THSD7B: variants seen among roughly 807,000 people sequenced by gnomAD.
THSD7B encodes the protein thrombospondin type 1 domain containing 7B, also known as thrombospondin type-1 domain-containing protein 7B.
THSD7B carries 138 observed loss-of-function variants against 213.6 expected under a neutral mutation model. The ratio of observed to expected loss-of-function variants is 0.65; its 90% CI spans 0.56 to 0.74. The LOEUF (loss-of-function observed/expected upper bound fraction) is 0.74, where lower values mean the gene tolerates loss of function less well. THSD7B is among the 30% of genes least tolerant of loss of function. The pLI is 0.00. For missense variants in THSD7B, 1,931 were observed against 1,991.5 expected (o/e 0.97, Z 0.58); for synonymous variants, 742 against 687.0 (o/e 1.08, Z -1.25).
At chr2:137,509,875 A>G (rs1679923883) in intron 15 of THSD7B, among the ~76,000 whole-genome samples, 1 of 152,140 alleles carries the variant, frequency 6.6e-6, no homozygotes, top group South Asian at 2.1e-4. Flanking sequence ...TTAAATATGA[A>G]ATCTCTTTCT....
At chr2:137,331,079 G>T (rs1684494512) in intron 12 of THSD7B, among the ~76,000 whole-genome samples, 1 of 152,002 alleles carries the variant, frequency 6.6e-6, no homozygotes, top group Non-Finnish European at 1.5e-5. Flanking sequence ...GTGCTGATTG[G>T]TGTGTTTACA....
At chr2:137,058,397 T>G (rs1298493810) in intron 3 of THSD7B, among the ~76,000 whole-genome samples, 1 of 152,186 alleles carries the variant, frequency 6.6e-6, no homozygotes, top group Non-Finnish European at 1.5e-5. Context: ...ATTGCTGAAG[T>G]GAGCATTACA....
chr2:137,185,113 A>G (rs75754371), intron 7 of THSD7B, among the ~76,000 whole-genome samples: 3,496 of 152,274 alleles, frequency 0.023, 135 homozygotes, highest in African/African-American at 0.079. Context: ...GAGCCCGAGA[A>G]TTGGCAAACA....
At chr2:137,417,627 C>G (rs1686827771) in intron 14 of THSD7B, among the ~76,000 whole-genome samples, 1 of 151,822 alleles carries the variant, frequency 6.6e-6, no homozygotes, top group Non-Finnish European at 1.5e-5. Context: ...GAGTTGAGGT[C>G]TCCCTATGTT....
chr2:137,167,069 C>CA (rs1275463121), intron 6 of THSD7B, among the ~76,000 whole-genome samples: 2 of 152,116 alleles, frequency 1.3e-5, no homozygotes, highest in Non-Finnish European at 2.9e-5. Context: ...TTCTTTCACT[C>CA]AGAGTTGTTA....
At chr2:137,202,883 A>G (rs1304230143) in intron 7 of THSD7B, among the ~76,000 whole-genome samples, 1 of 152,144 alleles carries the variant, frequency 6.6e-6, no homozygotes, top group East Asian at 1.9e-4. Flanking sequence ...GATAGATAAC[A>G]AACAGGTGAT....
rs113374970 is a variant in THSD7B, at chr2:137,597,691, T to A, written c.3424-18484T>A. Among the ~76,000 whole-genome samples the A allele has an allele frequency of 1.3e-3, 204 of 152,208 alleles. 1 individual carries two copies. Among genetic ancestry groups the A allele is most frequent in the African/African-American group, 4.8e-3 (200 of 41,534 alleles). On this transcript the variant is annotated intron_variant, in intron 17 of 27. Coordinates refer to ENST00000409968, the MANE Select transcript of THSD7B (RefSeq NM_001316349.2). Reference sequence around the variant, plus strand: ...TGAAGTATATTATGTTTCAGACACATATTATAATTCCATTTTGTAAAACTC... The same window carrying A: ...TGAAGTATATTATGTTTCAGACACAAATTATAATTCCATTTTGTAAAACTC...
intron 12 of THSD7B, among the ~76,000 whole-genome samples, chr2:137,328,106 C>A (rs1198831214): frequency 1.3e-5 from 2 of 152,140 alleles, no homozygotes; most frequent in Non-Finnish European, 2.9e-5. Flanking sequence ...GGGGACATAG[C>A]TGCGTGAAAT....
At chr2:137,141,316 C>G (rs1338839219) in intron 5 of THSD7B, among the ~76,000 whole-genome samples, 1 of 152,104 alleles carries the variant, frequency 6.6e-6, no homozygotes, top group East Asian at 1.9e-4. Context: ...GATACATCTT[C>G]TGTAGAGAAT....
At chr2:137,054,502 G>A (rs9784069) in intron 2 of THSD7B, among the ~76,000 whole-genome samples, 4,115 of 152,274 alleles carry the variant, frequency 0.027, 206 homozygotes, top group African/African-American at 0.093. Context: ...TGTGGCCCCA[G>A]TGCAGATAAC....
At chr2:136,952,295 A>G (rs952436473) in intron 2 of THSD7B, among the ~76,000 whole-genome samples, 4 of 152,146 alleles carry the variant, frequency 2.6e-5, no homozygotes, top group African/African-American at 9.7e-5. Flanking sequence ...TATAGAAATA[A>G]CTTAAATTGT....
intron 1 of THSD7B, among the ~76,000 whole-genome samples, chr2:136,776,624 T>C (rs574467581): frequency 2.0e-5 from 3 of 152,182 alleles, no homozygotes; most frequent in Non-Finnish European, 2.9e-5. Flanking sequence ...TATCCATTGA[T>C]TTGGCAACAA....
chr2:136,998,873 A>G (rs1357630409), intron 2 of THSD7B, among the ~76,000 whole-genome samples: 1 of 148,808 alleles, frequency 6.7e-6, no homozygotes, highest in Non-Finnish European at 1.5e-5. Flanking sequence ...CATGCTTTTT[A>G]TCATCTGCTG....
At chr2:137,629,556 G>A (rs549944198) in intron 20 of THSD7B, among the ~76,000 whole-genome samples, 1 of 152,216 alleles carries the variant, frequency 6.6e-6, no homozygotes, top group Admixed American at 6.5e-5. Flanking sequence ...GGAGTTCTAG[G>A]CAACTATAGT....
At chr2:136,877,218 A>G (rs145103306) in intron 1 of THSD7B, among the ~76,000 whole-genome samples, 2 of 152,330 alleles carry the variant, frequency 1.3e-5, no homozygotes, top group East Asian at 3.9e-4. Flanking sequence ...TCAGCTTCAC[A>G]CAAAAATACC....
At chr2:137,166,624 T>C (rs1454088311) in intron 6 of THSD7B, among the ~76,000 whole-genome samples, 1 of 152,186 alleles carries the variant, frequency 6.6e-6, no homozygotes, top group Non-Finnish European at 1.5e-5. Flanking sequence ...TGAGAAGCCA[T>C]GACTCTTTTT....
At chr2:136,819,621 G>A (rs1317146031) in intron 1 of THSD7B, among the ~76,000 whole-genome samples, 2 of 152,132 alleles carry the variant, frequency 1.3e-5, no homozygotes, top group Non-Finnish European at 2.9e-5. Flanking sequence ...ATGGCCATCT[G>A]AGCCACCACC....
chr2:137,346,117 A>C (rs1684869759), intron 12 of THSD7B, among the ~76,000 whole-genome samples: 1 of 151,598 alleles, frequency 6.6e-6, no homozygotes, highest in African/African-American at 2.4e-5. Context: ...TTAACATAAA[A>C]TTTACCATAC....
chr2:137,117,595 C>G (rs1688467342), intron 5 of THSD7B, among the ~76,000 whole-genome samples: 1 of 152,128 alleles, frequency 6.6e-6, no homozygotes, highest in Non-Finnish European at 1.5e-5. Context: ...CCCCTAGACT[C>G]AAGGATACTC....
Sources: gnomAD v4.1 joint callset for allele counts (sites outside exome capture counted in the v4.1 genomes callset) on GRCh38, gnomAD v4.1.1 for gene constraint, MANE v1.5 for transcripts, NCBI Gene and HGNC (gene_info 2026-07-23, HGNC 2026-07-21) for gene names.